Variants in NHS observed in about 807,000 individuals in gnomAD.
NHS encodes the protein actin remodeling regulator NHS.
A neutral mutation model predicts 72.5 loss-of-function variants in NHS; 5 were observed. The observed-to-expected ratio is 0.07, with a 90% CI of 0.04 to 0.14. NHS has a LOEUF of 0.14. Among genes scored for constraint, NHS ranks in the 10% least tolerant of loss-of-function variants. The pLI is 1.00. For synonymous variants in NHS, 464 were observed against 547.7 expected, an observed-to-expected ratio of 0.85 and a Z score of 2.13; for missense variants, 1,072 against 1,355.7, an observed-to-expected ratio of 0.79 and a Z score of 3.29.
intron 1 of NHS, among the ~76,000 whole-genome samples, chrX:17,652,273 G>T (rs183397179): frequency 8.9e-6 from 1 of 112,524 alleles, no homozygotes; most frequent in South Asian, 3.7e-4. Context: ...TCAGTATGTC[G>T]AAGAGACATC....
At chrX:17,381,199 G>T in intron 1 of NHS, among the ~76,000 whole-genome samples, 1 of 111,625 alleles carries the variant, frequency 9.0e-6, no homozygotes, top group Non-Finnish European at 1.9e-5. Flanking sequence ...ATACTTCATG[G>T]GCTTTGACTC....
At chrX:17,561,568 G>GCACACA (rs1415127425) in intron 1 of NHS, among the ~76,000 whole-genome samples, 60 of 65,608 alleles carry the variant, frequency 9.1e-4, no homozygotes, top group African/African-American at 3.7e-3. Context: ...GCGCGCGCGC[G>GCACACA]CGCGCGCACA....
chrX:17,477,313 A>C (rs973511042), intron 1 of NHS, among the ~76,000 whole-genome samples: 2 of 111,587 alleles, frequency 1.8e-5, no homozygotes, highest in Non-Finnish European at 3.8e-5. Flanking sequence ...TTCCAAGCAA[A>C]GGAAATAGTA....
chrX:17,620,134 A>G (rs1384062669), intron 1 of NHS, among the ~76,000 whole-genome samples: 1 of 112,203 alleles, frequency 8.9e-6, no homozygotes, highest in Admixed American at 9.4e-5. Context: ...CACTTAAGTA[A>G]GGCAGGCTGT....
intron 1 of NHS, among the ~76,000 whole-genome samples, chrX:17,677,068 G>A (rs887576601): frequency 3.6e-5 from 4 of 111,316 alleles, no homozygotes; most frequent in African/African-American, 6.5e-5. Flanking sequence ...CAAGATTTCT[G>A]GCAGTAGAAT....
Position 17,733,465 on chromosome X carries a change from T to C in NHS, c.*1001T>C, listed in dbSNP as rs754210148. 37 of 112,348 alleles carry C rather than the reference T, an allele frequency of 3.3e-4. No homozygotes were observed. Among genetic ancestry groups the C allele is most frequent in the African/African-American group, 1.1e-3 (35 of 30,883 alleles). The allele number at this position is 112,348 out of a possible 1,213,427, so 9.3% of individuals were successfully genotyped here. The stretch of plus-strand genomic sequence containing the variant: ...TAGGTTATGTTTTATATTAGGCTAC[T>C]GGGGACATAAACGGTCATAACTAAT... On this transcript the variant is annotated 3_prime_UTR_variant, in exon 9 of 9. Transcript: ENST00000676302.
chrX:17,579,674 A>G (rs747394079), intron 1 of NHS, among the ~76,000 whole-genome samples: 14 of 111,391 alleles, frequency 1.3e-4, no homozygotes, highest in African/African-American at 4.3e-4. Context: ...TGTAGCAGAT[A>G]CTATGAGTGC....
rs181810351 is a variant in NHS at position 17,539,828 on chromosome X, G to T, written c.566-147914G>T. On this transcript the variant is annotated intron_variant, in intron 1 of 8. Transcript: ENST00000676302. ...TTAATGGGGCAGGGTCACATGACTA[G>T]TTCTGGCCAGTGGGCTTTCAGTATA... 4.3e-4 allele frequency among the ~76,000 whole-genome samples: 48 copies of T among 112,009 alleles called. 1 individual carries two copies. The highest frequency in any genetic ancestry group is 4.3e-3 in the Admixed American group (45 of 10,581).
At chrX:17,502,174 TCTC>T (rs754224324) in intron 1 of NHS, among the ~76,000 whole-genome samples, 1 of 111,772 alleles carries the variant, frequency 8.9e-6, no homozygotes, top group Non-Finnish European at 1.9e-5. Flanking sequence ...AATGTTCCCT[TCTC>T]CTTGTTGAAT....
chrX:17,591,978 C>T (rs757947398), intron 1 of NHS, among the ~76,000 whole-genome samples: 106 of 110,189 alleles, frequency 9.6e-4, no homozygotes, highest in African/African-American at 3.4e-3. Context: ...CATCATACTG[C>T]GACTGTGCAT....
intron 1 of NHS, among the ~76,000 whole-genome samples, chrX:17,598,581 C>T (rs2065635561): frequency 9.0e-6 from 1 of 111,566 alleles, no homozygotes; most frequent in African/African-American, 3.3e-5. Flanking sequence ...TATCATTATC[C>T]TCACTTCACA....
chrX:17,442,727 G>C (rs1471710521), intron 1 of NHS, among the ~76,000 whole-genome samples: 1 of 112,445 alleles, frequency 8.9e-6, no homozygotes, highest in Non-Finnish European at 1.9e-5. Context: ...TGACTGTAAA[G>C]TTACATAACT....
At chrX:17,564,572 C>CAATTG (rs1160711348) in intron 1 of NHS, among the ~76,000 whole-genome samples, 1 of 112,184 alleles carries the variant, frequency 8.9e-6, no homozygotes, top group Admixed American at 9.4e-5. Context: ...GGTGTGCATG[C>CAATTG]TACAATTGGC....
At chrX:17,537,126 A>G (rs1431787144) in intron 1 of NHS, among the ~76,000 whole-genome samples, 1 of 112,521 alleles carries the variant, frequency 8.9e-6, no homozygotes, top group Non-Finnish European at 1.9e-5. Context: ...TAAGTGGGGC[A>G]TCTTCCTTCC....
At position 17,692,349 on chromosome X, in the gene NHS, A is replaced by C. The variant is rs765271739; in HGVS notation, c.733A>C (p.Ser245Arg). 9.1e-6 allele frequency: 11 copies of C among 1,207,315 alleles called. No individual in the cohort carries two copies. The South Asian group carries it at 1.1e-4, about 12-fold the overall frequency. ...CTCCTTCTCAGAACACCGGAGCCGG[A>C]GCGATCGCCGAGAGCAAAGAGCAGC... ...QALRREHRSR[S>R]DRREQRAAAP... Residue 245 changes from serine (S) to arginine (R), a missense_variant, in exon 3 of 9, where the codon AGC becomes CGC. By Grantham distance (110) the Ser-to-Arg change is moderately radical. Transcript: ENST00000676302.
At chrX:17,404,730 C>T (rs1253857907) in intron 1 of NHS, among the ~76,000 whole-genome samples, 1 of 110,251 alleles carries the variant, frequency 9.1e-6, no homozygotes, top group Admixed American at 9.7e-5. Context: ...CTGGTCCCAA[C>T]TTTGATACCA....
chrX:17,525,203 A>ATGT (rs1307365154), intron 1 of NHS, among the ~76,000 whole-genome samples: 1 of 112,540 alleles, frequency 8.9e-6, no homozygotes, highest in Non-Finnish European at 1.9e-5. Flanking sequence ...TTGGTTGCAT[A>ATGT]TGTTATCATT....
In NHS at chrX:17,721,979, G is replaced by C. The variant is rs193224632; in HGVS notation, c.1108+346G>C. On this transcript the variant is annotated intron_variant, in intron 5 of 8. Transcript: ENST00000676302. ...GCAAGAAAGAAAACAGCAAACCCAG[G>C]CTTCTCAAACTGCAAGTAATGGTCC... 2.7e-5 allele frequency among the ~76,000 whole-genome samples: 3 copies of C among 111,894 alleles called. No homozygotes were observed. In the Admixed American group the frequency reaches 2.8e-4, roughly 11 times the overall value.
intron 3 of NHS, among the ~76,000 whole-genome samples, chrX:17,695,942 A>AAGG (rs1491139247): frequency 1.1e-5 from 1 of 93,127 alleles, no homozygotes; most frequent in Non-Finnish European, 2.1e-5. Context: ...AAAAAAAAAA[A>AAGG]GGGGGGGGGT....
Sources: gnomAD v4.1 joint callset for allele counts (sites outside exome capture counted in the v4.1 genomes callset) on GRCh38, gnomAD v4.1.1 for gene constraint, MANE v1.5 for transcripts, NCBI Gene and HGNC (gene_info 2026-07-23, HGNC 2026-07-21) for gene names.